Variants in IQCH observed in about 807,000 individuals in gnomAD.
IQCH encodes IQ motif containing H.
IQCH carries 98 observed loss-of-function variants against 117.0 expected under a neutral mutation model. The ratio of observed to expected loss-of-function variants is 0.84; its 90% CI spans 0.71 to 0.99. The LOEUF is 0.99. Ranked by LOEUF, IQCH falls within the 50% of genes least tolerant of loss-of-function variation. IQCH has a pLI of 0.00. For missense variants in IQCH, 1,102 were observed against 1,243.8 expected (o/e 0.89, Z 1.72); for synonymous variants, 412 against 448.2 (o/e 0.92, Z 1.02).
At chr15:67,323,530 C>T (rs1010954898) in intron 4 of IQCH, among the ~76,000 whole-genome samples, 1 of 152,114 alleles carries the variant, frequency 6.6e-6, no homozygotes. Flanking sequence ...GTGTGAGCCA[C>T]CGTGCCCAGC....
chr15:67,382,038 G>C (rs185197502), intron 10 of IQCH, among the ~76,000 whole-genome samples: 2 of 151,990 alleles, frequency 1.3e-5, no homozygotes, highest in East Asian at 3.8e-4. Context: ...TGTTTCATTC[G>C]TTTATTTGAC....
In IQCH at chr15:67,400,171, T is replaced by C. The variant is rs2140866161; in HGVS notation, c.1963T>C (p.Phe655Leu). The change falls in exon 14 of 21, where the codon TTT becomes CTT. Residue 655 changes from phenylalanine (F) to leucine (L), a missense_variant. This residue lies in a region of IQCH where 650 missense variants were observed against 794.3 expected (regional missense o/e 0.82). Coordinates refer to ENST00000335894, the MANE Select transcript of IQCH (RefSeq NM_001031715.3). ...TDHLQIQRWL[F>L]KMDSEFRGNG... ...TCACCTGCAAATACAGCGTTGGCTCTTTAAAATGGACTCTGAGTTCCGAGG... is the reference window on the plus strand; with the variant it reads ...TCACCTGCAAATACAGCGTTGGCTCCTTAAAATGGACTCTGAGTTCCGAGG... The C allele has an allele frequency of 6.2e-7, 1 of 1,613,970 alleles. No individual in the cohort carries two copies. Among genetic ancestry groups the C allele is most frequent in the Non-Finnish European group, 8.5e-7 (1 of 1,179,916 alleles).
chr15:67,285,721 T>C (rs1277590015), intron 4 of IQCH, among the ~76,000 whole-genome samples: 2 of 152,312 alleles, frequency 1.3e-5, no homozygotes, highest in East Asian at 3.9e-4. Context: ...CCTTTCCCTG[T>C]TGCCTTTTTT....
intron 18 of IQCH, among the ~76,000 whole-genome samples, chr15:67,484,951 GA>G (rs1567227335): frequency 1.3e-5 from 2 of 151,380 alleles, no homozygotes; most frequent in South Asian, 2.1e-4. Flanking sequence ...AAACAAAGGG[GA>G]AAAAAAGAAA....
rs1436481070 is a variant in IQCH, at chr15:67,430,599, C to CG, written c.2505+9022_2505+9023insG. ...AATTTTTTTTACCTCTTCATAATGT[C>CG]TAACACAATGATGGTCATATTTGGC... On this transcript the variant is annotated intron_variant, in intron 16 of 20. Coordinates refer to ENST00000335894, the MANE Select transcript of IQCH (RefSeq NM_001031715.3). The surrounding 1 kb of genome is among the most constrained non-coding windows in gnomAD (Gnocchi z 5.1). 6.6e-6 allele frequency among the ~76,000 whole-genome samples: 1 copy of CG among 152,006 alleles called. No individual in the cohort carries two copies. The highest frequency in any genetic ancestry group is 1.5e-5 in the Non-Finnish European group (1 of 68,012).
At chr15:67,287,231 C>A (rs911306374) in intron 4 of IQCH, among the ~76,000 whole-genome samples, 1 of 152,002 alleles carries the variant, frequency 6.6e-6, no homozygotes, top group Non-Finnish European at 1.5e-5. Context: ...ATAGTTTTTT[C>A]TCTTTTTAAT....
Position 67,416,533 on chromosome 15 carries a change from AAAC to A in IQCH, c.2098-395_2098-393del, listed in dbSNP as rs1026984717. ...ACTGCGTCTCAAAAAAAAAAAGAAA[AAAC>A]AAAAAACAAAAACAAAAAAAACAGT... is the stretch of plus-strand genomic sequence containing the variant. On this transcript the variant is annotated intron_variant, in intron 14 of 20. Transcript: ENST00000335894. This position sits in a 1 kb window ranked among gnomAD's most constrained non-coding sequence, Gnocchi z 5.1. 3.3e-5 allele frequency among the ~76,000 whole-genome samples: 5 copies of A among 151,874 alleles called. No homozygotes were observed. Among genetic ancestry groups the A allele is most frequent in the African/African-American group, 1.2e-4 (5 of 41,302 alleles).
At chr15:67,446,090 A>G (rs1280282099) in intron 16 of IQCH, among the ~76,000 whole-genome samples, 1 of 152,238 alleles carries the variant, frequency 6.6e-6, no homozygotes, top group Admixed American at 6.5e-5. Flanking sequence ...ACATTTCTCA[A>G]AGAAATGGCA....
Position 67,490,120 on chromosome 15 carries a change from A to G in IQCH, c.2861+56A>G. The G allele has an allele frequency of 8.8e-7, 1 of 1,131,838 alleles. No individual in the cohort carries two copies. Among genetic ancestry groups the G allele is most frequent in the Non-Finnish European group, 1.3e-6 (1 of 748,616 alleles). The allele number at this position is 1,131,838 out of a possible 1,614,324, so 70.1% of individuals were successfully genotyped here. A position where few individuals can be genotyped will look rare whatever the true frequency, so the allele number is the denominator to read the frequency against. On this transcript the variant is annotated intron_variant, in intron 19 of 20. Coordinates refer to ENST00000335894, the MANE Select transcript of IQCH (RefSeq NM_001031715.3). The surrounding 1 kb of genome is among the most constrained non-coding windows in gnomAD (Gnocchi z 4.9). ...TAAGCTAAGGAAATAGACAATCACA[A>G]CTAACAAGAATGATGCTTCTCATGC...
rs1319389840 is a variant in IQCH, at chr15:67,390,827, G to A, written c.1632+1821G>A. Among the ~76,000 whole-genome samples the A allele has an allele frequency of 6.6e-6, 1 of 152,268 alleles. No individual in the cohort carries two copies. Among genetic ancestry groups the A allele is most frequent in the African/African-American group, 2.4e-5 (1 of 41,566 alleles). On this transcript the variant is annotated intron_variant, in intron 12 of 20. Transcript: ENST00000335894. This position sits in a 1 kb window ranked among gnomAD's most constrained non-coding sequence, Gnocchi z 5.0. ...GATTCTCAGAAGAATGCATCAAGAT[G>A]GAAAGATAGCTCTTTTTACCTATCT...
Position 67,494,405 on chromosome 15 carries a change from A to G in IQCH, c.2970+39A>G, listed in dbSNP as rs1315088116. 4 of 1,391,830 alleles carry G rather than the reference A, an allele frequency of 2.9e-6. No homozygotes were observed. The highest frequency in any genetic ancestry group is 1.8e-5 in the Admixed American group (1 of 55,506). 86.2% of individuals were successfully genotyped at this position (1,391,830 alleles called of 1,614,324 possible). On this transcript the variant is annotated intron_variant, in intron 20 of 20. Coordinates refer to ENST00000335894, the MANE Select transcript of IQCH (RefSeq NM_001031715.3). This position sits in a 1 kb window ranked among gnomAD's most constrained non-coding sequence, Gnocchi z 5.5. ...TAACTAACGATTCTGGTTAATTTCT[A>G]TACAAGGGCTGAAAATACCTCATGC...
intron 15 of IQCH, 127 bp from the exon 16 acceptor site, chr15:67,421,164 G>A: frequency 2.7e-6 from 2 of 727,386 alleles, no homozygotes; most frequent in Non-Finnish European, 4.5e-6. Flanking sequence ...TACGGATAAA[G>A]AAAAATAAGT....
At chr15:67,320,109 G>A (rs1366633057) in intron 4 of IQCH, among the ~76,000 whole-genome samples, 2 of 152,318 alleles carry the variant, frequency 1.3e-5, no homozygotes, top group East Asian at 3.9e-4. Context: ...GCCCAGTGGA[G>A]TCATTGAAGT....
At position 67,387,033 on chromosome 15, in the gene IQCH, T is replaced by C. The variant is rs1201104157; in HGVS notation, c.1457-1798T>C. On this transcript the variant is annotated intron_variant, in intron 11 of 20. Coordinates refer to ENST00000335894, the MANE Select transcript of IQCH (RefSeq NM_001031715.3). The surrounding 1 kb of genome is among the most constrained non-coding windows in gnomAD (Gnocchi z 4.8). Reference sequence around the variant, plus strand: ...CTATTTTTGTTGTTTTTCTGCCCTATTCTTTCATACTTAAAAAAAACTCAT... The same window carrying C: ...CTATTTTTGTTGTTTTTCTGCCCTACTCTTTCATACTTAAAAAAAACTCAT... Among the ~76,000 whole-genome samples, 4 of 152,202 alleles carry C rather than the reference T, an allele frequency of 2.6e-5. No individual in the cohort carries two copies. In the East Asian group the frequency reaches 5.8e-4, roughly 22 times the overall value.
rs765558699 is a variant in IQCH at position 67,372,535 on chromosome 15, G to A, written c.1178G>A (p.Arg393His). 55 of 1,613,824 alleles carry A rather than the reference G, an allele frequency of 3.4e-5. No individual in the cohort carries two copies. The highest frequency in any genetic ancestry group is 8.0e-5 in the African/African-American group (6 of 74,840). ...GCAAGAAAATTCTTCCTCTTTTATCGCCAGCAGAAGTGGGCATCAGGTGTG... is the reference window on the plus strand; with the variant it reads ...GCAAGAAAATTCTTCCTCTTTTATCACCAGCAGAAGTGGGCATCAGGTGTG... ...YKARKFFLFY[R>H]QQKWASGVIA... Residue 393 changes from arginine (R) to histidine (H), a missense_variant, in exon 9 of 21, where the codon CGC becomes CAC. Physicochemically the swap from Arg to His is conservative, Grantham distance 29. Transcript: ENST00000335894.
chr15:67,463,728 C>G lies in IQCH; in HGVS notation c.2506-1399C>G, dbSNP rs181237652. Among the ~76,000 whole-genome samples, 17 of 152,300 alleles carry G rather than the reference C, an allele frequency of 1.1e-4. No homozygotes were observed. Among genetic ancestry groups the G allele is most frequent in the African/African-American group, 3.8e-4 (16 of 41,566 alleles). ...GCAGCCCTGATTTCATTAGACAAACCCAGTCTGTCCTTTCTTTCTGCTTCA... is the reference window on the plus strand; with the variant it reads ...GCAGCCCTGATTTCATTAGACAAACGCAGTCTGTCCTTTCTTTCTGCTTCA... On this transcript the variant is annotated intron_variant, in intron 16 of 20. Coordinates refer to ENST00000335894, the MANE Select transcript of IQCH (RefSeq NM_001031715.3). This position sits in a 1 kb window ranked among gnomAD's most constrained non-coding sequence, Gnocchi z 4.0.
rs573110532 is a variant in IQCH, at chr15:67,307,694, A to G, written c.387+28182A>G. 2.0e-5 allele frequency among the ~76,000 whole-genome samples: 3 copies of G among 152,280 alleles called. No homozygotes were observed. In the East Asian group the frequency reaches 5.8e-4, roughly 29 times the overall value. On this transcript the variant is annotated intron_variant, in intron 4 of 20. Transcript: ENST00000335894. ...GAGCTTGTTGCATTTATAAACCATA[A>G]CAAGAAGCAGAGTGAATTAATAAAC...
rs780017913 is a variant in IQCH, at chr15:67,442,890, C to CAT, written c.2505+21317_2505+21318dup. The stretch of plus-strand genomic sequence containing the variant: ...TATACATATATATATATATAAAATA[C>CAT]ATATAGATATACATACACACATATA... On this transcript the variant is annotated intron_variant, in intron 16 of 20. Transcript: ENST00000335894. Among the ~76,000 whole-genome samples the CAT allele has an allele frequency of 6.3e-3, 931 of 148,722 alleles. 11 individuals are homozygous for CAT. The highest frequency in any genetic ancestry group is 0.01 in the Non-Finnish European group (682 of 67,328).
intron 16 of IQCH, among the ~76,000 whole-genome samples, chr15:67,452,032 G>A (rs1237678624): frequency 6.6e-6 from 1 of 152,128 alleles, no homozygotes; most frequent in East Asian, 1.9e-4. Context: ...TTTTTTCAGA[G>A]ACTAGGATTG....
Sources: allele counts gnomAD v4.1 joint callset (sites outside exome capture counted in the v4.1 genomes callset), GRCh38; gene constraint gnomAD v4.1.1; regional missense constraint gnomAD v4.1.1; non-coding constraint Gnocchi (gnomAD v3.1); transcripts MANE v1.5; gene names NCBI Gene and HGNC (gene_info 2026-07-23, HGNC 2026-07-21).